Variants in TF observed in about 807,000 individuals in gnomAD.
TF encodes the protein serotransferrin.
In TF, 55 loss-of-function variants were observed where a neutral mutation model predicts 82.4. That is an observed-to-expected ratio of 0.67 (90% CI 0.54 to 0.84). The LOEUF is 0.84. Ranked by LOEUF, TF falls within the 40% of genes least tolerant of loss-of-function variation. TF has a pLI of 0.00. For synonymous variants in TF, 332 were observed against 332.6 expected (o/e 1.00, Z 0.02); for missense variants, 737 against 868.4 (o/e 0.85, Z 1.90).
In TF at chr3:133,779,477, C is replaced by A. The variant is rs758144282; in HGVS notation, c.*857C>A. The A allele has an allele frequency of 6.6e-6, 1 of 152,332 alleles. No individual in the cohort carries two copies. Among genetic ancestry groups the A allele is most frequent in the Non-Finnish European group, 1.5e-5 (1 of 68,128 alleles). The allele number at this position is 152,332 out of a possible 1,614,324, so 9.4% of individuals were successfully genotyped here. On this transcript the variant is annotated 3_prime_UTR_variant, in exon 17 of 17. Transcript: ENST00000402696. Reference sequence around the variant, plus strand: ...CCTGCAGTTGATAAAGTTGACCACTCCCTCCTCCTTGGAACTCTTTTCCTC... The same window carrying A: ...CCTGCAGTTGATAAAGTTGACCACTACCTCCTCCTTGGAACTCTTTTCCTC...
chr3:133,680,261 A>C, the TF span, among the ~76,000 whole-genome samples: 46,927 of 151,380 alleles, frequency 0.31, 7,677 homozygotes, highest in East Asian at 0.48. Flanking sequence ...GCTGGAGAGC[A>C]GTGGCACAAT....
chr3:133,716,390 C>T, the TF span, among the ~76,000 whole-genome samples: 4 of 152,226 alleles, frequency 2.6e-5, no homozygotes, highest in Non-Finnish European at 5.9e-5. Flanking sequence ...TAGCCCACCT[C>T]ATCTCAGTTA....
At chr3:133,725,821 G>A in the TF span, among the ~76,000 whole-genome samples, 1 of 152,040 alleles carries the variant, frequency 6.6e-6, no homozygotes, top group South Asian at 2.1e-4. Flanking sequence ...ATTATTTTGA[G>A]ATACGTCCCA....
chr3:133,775,697 G>T (rs1410494381), intron 15 of TF, 80 bp downstream of exon 15: 2 of 1,427,896 alleles, frequency 1.4e-6, no homozygotes, highest in Admixed American at 1.7e-5. Context: ...ACAAAGTGCA[G>T]CCATGACTCC....
the TF span, among the ~76,000 whole-genome samples, chr3:133,668,597 A>AG: frequency 5.3e-5 from 8 of 151,976 alleles, no homozygotes; most frequent in African/African-American, 1.7e-4. Context: ...TTGGGCAGGG[A>AG]GGGAAAAAAA....
chr3:133,777,183 C>G lies in TF; in HGVS notation c.2007C>G (p.Tyr669Ter). ...ATGACAGAAACACATATGAAAAATA[C>G]TTAGGAGAAGAATATGTCAAGGCTG... ...KLHDRNTYEK[Y>*]LGEEYVKAVG... is the part of the protein sequence containing the mutation. Residue 669 changes from tyrosine (Y) to a stop codon, truncating the protein, a stop_gained, in exon 16 of 17, where the codon TAC becomes TAG. Transcript: ENST00000402696. LOFTEE classifies it high-confidence loss of function. 6.2e-7 allele frequency: 1 copy of G among 1,614,058 alleles called. No individual in the cohort carries two copies. Among genetic ancestry groups the G allele is most frequent in the Non-Finnish European group, 8.5e-7 (1 of 1,180,020 alleles).
chr3:133,748,450 T>A lies in TF; in HGVS notation c.82T>A (p.Cys28Ser). ...LAVPDKTVRW[C>S]AVSEHEATKC... ...TGTCCCTGATAAAACTGTGAGATGG[T>A]GTGCAGTGTCGGAGCATGAGGCCAC... is the stretch of plus-strand genomic sequence containing the variant. The change falls in exon 2 of 17, where the codon TGT (cysteine) becomes AGT (serine). Residue 28 changes from cysteine (C) to serine (S), a missense_variant. Cys to Ser is a moderately radical substitution (Grantham distance 112). Coordinates refer to ENST00000402696, the MANE Select transcript of TF (RefSeq NM_001063.4). The A allele has an allele frequency of 1.2e-6, 2 of 1,614,110 alleles. No homozygotes were observed. The highest frequency in any genetic ancestry group is 1.7e-6 in the Non-Finnish European group (2 of 1,180,014).
chr3:133,717,138 T>C, the TF span, among the ~76,000 whole-genome samples: 2 of 152,210 alleles, frequency 1.3e-5, no homozygotes, highest in Non-Finnish European at 2.9e-5. Context: ...ATATTTTCTC[T>C]ACTTACCTTG....
At chr3:133,731,528 C>T in the TF span, among the ~76,000 whole-genome samples, 1 of 152,064 alleles carries the variant, frequency 6.6e-6, no homozygotes, top group Non-Finnish European at 1.5e-5. Context: ...TGCCAAAGGT[C>T]CCAGCAGCAA....
the TF span, among the ~76,000 whole-genome samples, chr3:133,705,031 T>A: frequency 6.6e-6 from 1 of 152,160 alleles, no homozygotes; most frequent in Non-Finnish European, 1.5e-5. Flanking sequence ...TCCCAGCACT[T>A]TGGGACACTG....
the TF span, among the ~76,000 whole-genome samples, chr3:133,729,376 C>T: frequency 6.6e-6 from 1 of 152,244 alleles, no homozygotes; most frequent in African/African-American, 2.4e-5. Flanking sequence ...GCGCCCCTCC[C>T]CCAGCCTCGC....
rs758669162 is a variant in TF at position 133,770,516 on chromosome 3, T to C, written c.1631T>C (p.Val544Ala). The change falls in exon 14 of 17, where the codon GTT becomes GCT. Residue 544 changes from valine (V) to alanine (A), a missense_variant. Transcript: ENST00000402696. Reference sequence around the variant, plus strand: ...CTTCTGGACCTCTGCAGGTGTCTGGTTGAGAAGGGAGATGTGGCCTTTGTG... The same window carrying C: ...CTTCTGGACCTCTGCAGGTGTCTGGCTGAGAAGGGAGATGTGGCCTTTGTG... ...YGYTGAFRCL[V>A]EKGDVAFVKH... 4.3e-6 allele frequency: 7 copies of C among 1,614,070 alleles called. No individual in the cohort carries two copies. Among genetic ancestry groups the C allele is most frequent in the Admixed American group, 1.7e-5 (1 of 60,016 alleles).
At position 133,789,620 on chromosome 3, in the gene TF, A is replaced by T. The variant is rs1830084; in HGVS notation, c.*11000A>T. ...CATTTGTTATATGTTGTGTTTTGGC[A>T]TATAAGTAAAAGAGCACTCATAAAT... On this transcript the variant is annotated 3_prime_UTR_variant, in exon 17 of 17. Transcript: ENST00000402696. The T allele has an allele frequency of 0.29, 44,058 of 152,174 alleles. 7,080 individuals are homozygous for T. Among genetic ancestry groups the T allele is most frequent in the East Asian group, 0.46 (2,391 of 5,180 alleles). The allele number at this position is 152,174 out of a possible 1,614,324, so 9.4% of individuals were successfully genotyped here.
the TF span, among the ~76,000 whole-genome samples, chr3:133,683,637 A>C: frequency 6.6e-6 from 1 of 152,242 alleles, no homozygotes; most frequent in African/African-American, 2.4e-5. Flanking sequence ...GGATCAATTT[A>C]ACAAGAAGAG....
the TF span, among the ~76,000 whole-genome samples, chr3:133,736,650 A>AAAAAAAAAAC: frequency 1.3e-5 from 2 of 149,504 alleles, no homozygotes; most frequent in Admixed American, 6.6e-5. Flanking sequence ...AAAAAAAAAA[A>AAAAAAAAAAC]AGCAGGGGTT....
chr3:133,733,928 C>T, the TF span, among the ~76,000 whole-genome samples: 1 of 151,726 alleles, frequency 6.6e-6, no homozygotes. Context: ...TGGCTATGGG[C>T]AGTGGCTCCT....
chr3:133,744,610 C>A (rs1933455167), upstream of TF, among the ~76,000 whole-genome samples: 1 of 152,160 alleles, frequency 6.6e-6, no homozygotes, highest in Non-Finnish European at 1.5e-5. Context: ...GCACAAGGGG[C>A]CCGTGGACGG....
chr3:133,719,518 C>T, the TF span, among the ~76,000 whole-genome samples: 26 of 152,226 alleles, frequency 1.7e-4, no homozygotes, highest in African/African-American at 6.3e-4. Context: ...CCCTCCCACT[C>T]CTGTAGTATA....
rs553358128 is a variant in TF at position 133,780,270 on chromosome 3, G to C, written c.*1650G>C. 1 of 152,248 alleles carries C rather than the reference G, an allele frequency of 6.6e-6. No homozygotes were observed. Among genetic ancestry groups the C allele is most frequent in the African/African-American group, 2.4e-5 (1 of 41,530 alleles). The allele number at this position is 152,248 out of a possible 1,614,324, so 9.4% of individuals were successfully genotyped here. Reference sequence around the variant, plus strand: ...AACTTACCCCAAATCCTATAACTCTGCCTTTTCCTTTGTTTGGTGAGATAC... The same window carrying C: ...AACTTACCCCAAATCCTATAACTCTCCCTTTTCCTTTGTTTGGTGAGATAC... On this transcript the variant is annotated 3_prime_UTR_variant, in exon 17 of 17. Transcript: ENST00000402696.
Sources: gnomAD v4.1 joint callset for allele counts (sites outside exome capture counted in the v4.1 genomes callset) on GRCh38, gnomAD v4.1.1 for gene constraint, MANE v1.5 for transcripts, NCBI Gene and HGNC (gene_info 2026-07-23, HGNC 2026-07-21) for gene names.